USH2A: variants seen among roughly 807,000 people sequenced by gnomAD.
The protein encoded by USH2A is usherin.
Under a neutral mutation model 538.9 loss-of-function variants are expected in USH2A, and 443 were observed. The ratio of observed to expected loss-of-function variants is 0.82; its 90% CI spans 0.76 to 0.89. The LOEUF (loss-of-function observed/expected upper bound fraction) is 0.89. Among genes scored for constraint, USH2A ranks in the 40% least tolerant of loss-of-function variants. The pLI, the probability that USH2A is intolerant of heterozygous loss-of-function variation, is 0.00. For missense variants in USH2A, 6,633 were observed against 6,324.8 expected (o/e 1.05, Z -1.65); for synonymous variants, 2,413 against 2,273.5 (o/e 1.06, Z -1.75).
At chr1:216,282,517 G>A (rs1209704899) in intron 11 of USH2A, among the ~76,000 whole-genome samples, 1 of 152,106 alleles carries the variant, frequency 6.6e-6, no homozygotes, top group African/African-American at 2.4e-5. Context: ...TGGCACTGTT[G>A]TCAAAAATCA....
intron 11 of USH2A, among the ~76,000 whole-genome samples, chr1:216,252,094 T>C (rs1341043129): frequency 2.0e-5 from 3 of 152,256 alleles, no homozygotes; most frequent in Non-Finnish European, 4.4e-5. Context: ...CACTGTGTCA[T>C]TTTATTCTTT....
At chr1:216,076,359 G>T (rs1334470086) in intron 27 of USH2A, among the ~76,000 whole-genome samples, 4 of 152,240 alleles carry the variant, frequency 2.6e-5, no homozygotes, top group Non-Finnish European at 5.9e-5. Flanking sequence ...GTCATAGTGT[G>T]TAGGTAAAAT....
At chr1:216,273,512 C>T (rs1344368692) in intron 11 of USH2A, among the ~76,000 whole-genome samples, 1 of 151,882 alleles carries the variant, frequency 6.6e-6, no homozygotes, top group Non-Finnish European at 1.5e-5. Flanking sequence ...TTTATTTAAA[C>T]ATAATAATAA....
intron 3 of USH2A, among the ~76,000 whole-genome samples, chr1:216,402,808 C>T (rs1009454524): frequency 3.3e-5 from 5 of 152,056 alleles, no homozygotes; most frequent in African/African-American, 1.2e-4. Context: ...ACCCCAAGCC[C>T]TCATTTTGTC....
chr1:215,644,864 C>G (rs1209688609), intron 67 of USH2A, among the ~76,000 whole-genome samples: 1 of 152,132 alleles, frequency 6.6e-6, no homozygotes, highest in African/African-American at 2.4e-5. Context: ...CACATCACTG[C>G]AGGGGAAGAG....
chr1:215,877,651 A>G lies in USH2A; in HGVS notation c.8681+107T>C, dbSNP rs555936005. On this transcript the variant is annotated intron_variant, in intron 43 of 71. Transcript: ENST00000307340. The stretch of plus-strand genomic sequence containing the variant: ...ATAATAACCAAACATGTTTTATTGC[A>G]TAACTGATAACACGCTCACACAATG... The G allele has an allele frequency of 6.5e-6, 10 of 1,530,610 alleles. No individual in the cohort carries two copies. In the South Asian group the frequency reaches 6.8e-5, roughly 10 times the overall value. 94.8% of individuals were successfully genotyped at this position (1,530,610 alleles called of 1,614,324 possible).
intron 31 of USH2A, 90 bp downstream of exon 31, chr1:216,048,444 C>T (rs1035243320): frequency 1.5e-6 from 2 of 1,335,722 alleles, no homozygotes; most frequent in Non-Finnish European, 2.2e-6. Flanking sequence ...TTGGGGTTTG[C>T]CAGCAAATGG....
chr1:216,397,391 G>T (rs185761934), intron 3 of USH2A, among the ~76,000 whole-genome samples: 1 of 152,264 alleles, frequency 6.6e-6, no homozygotes, highest in Non-Finnish European at 1.5e-5. Context: ...TAGATGGCTG[G>T]TAAAGCACTG....
chr1:216,043,469 T>C (rs1044290922), intron 32 of USH2A, among the ~76,000 whole-genome samples: 2 of 152,234 alleles, frequency 1.3e-5, no homozygotes, highest in African/African-American at 2.4e-5. Flanking sequence ...ATATATTCTT[T>C]AAAATATTAC....
intron 32 of USH2A, among the ~76,000 whole-genome samples, chr1:216,045,834 C>T (rs558632657): frequency 2.6e-5 from 4 of 152,134 alleles, no homozygotes; most frequent in South Asian, 2.1e-4. Context: ...GTAGGACAGC[C>T]CTGGGTGGAG....
At chr1:215,991,747 G>A (rs1019307617) in intron 35 of USH2A, among the ~76,000 whole-genome samples, 2 of 152,198 alleles carry the variant, frequency 1.3e-5, no homozygotes, top group African/African-American at 4.8e-5. Flanking sequence ...GATTCTGAGA[G>A]CAATTGTAGT....
At chr1:215,865,934 T>C (rs188479214) in intron 44 of USH2A, among the ~76,000 whole-genome samples, 4 of 152,336 alleles carry the variant, frequency 2.6e-5, no homozygotes, top group East Asian at 3.9e-4. Context: ...AGCATCTCTC[T>C]TCTTAAGCTG....
intron 56 of USH2A, among the ~76,000 whole-genome samples, chr1:215,761,763 T>C (rs1660988937): frequency 6.6e-6 from 1 of 152,136 alleles, no homozygotes; most frequent in Non-Finnish European, 1.5e-5. Flanking sequence ...GATGTACAAA[T>C]CCATCGATGG....
At position 215,907,643 on chromosome 1, in the gene USH2A, A is replaced by G. The variant is rs561660028; in HGVS notation, c.7301-6738T>C. 3.3e-5 allele frequency among the ~76,000 whole-genome samples: 5 copies of G among 152,194 alleles called. No homozygotes were observed. In the South Asian group the frequency reaches 1.0e-3, roughly 32 times the overall value. On this transcript the variant is annotated intron_variant, in intron 38 of 71. Transcript: ENST00000307340. ...GCCTGCTTAATATTGGAGTTCATCA[A>G]GTTCATTCATATCAGCTATGTAGCT... is the stretch of plus-strand genomic sequence containing the variant.
intron 10 of USH2A, 113 bp from the exon 11 acceptor site, chr1:216,289,523 C>T (rs1018176325): frequency 4.3e-5 from 60 of 1,386,484 alleles, no homozygotes; most frequent in Non-Finnish European, 5.2e-5. Flanking sequence ...TCGGAACGTC[C>T]GTTTTAATGC....
At chr1:216,280,570 T>C (rs1472076740) in intron 11 of USH2A, among the ~76,000 whole-genome samples, 1 of 152,176 alleles carries the variant, frequency 6.6e-6, no homozygotes, top group Admixed American at 6.6e-5. Context: ...CATTTTCCTC[T>C]CTCCTATTAA....
intron 61 of USH2A, among the ~76,000 whole-genome samples, chr1:215,686,588 T>C (rs1450393152): frequency 6.6e-6 from 1 of 151,988 alleles, no homozygotes; most frequent in African/African-American, 2.4e-5. Flanking sequence ...TAGGAAACAA[T>C]AAGTAACATT....
chr1:216,360,370 GTGAAAAGATCAGTGAT>G (rs1486031821), intron 4 of USH2A, among the ~76,000 whole-genome samples: 5 of 152,046 alleles, frequency 3.3e-5, no homozygotes, highest in Non-Finnish European at 5.9e-5. Context: ...TACAGAGACA[GTGAAAAGATCAGTGAT>G]TGCTAGGGGT....
chr1:215,786,745 C>T lies in USH2A; in HGVS notation c.10312G>A (p.Ala3438Thr), dbSNP rs146980351. 149 of 1,613,974 alleles carry T rather than the reference C, an allele frequency of 9.2e-5. 1 individual carries two copies. The East Asian group carries it at 2.6e-3, about 28-fold the overall frequency. Residue 3438 changes from alanine to threonine, a missense_variant, in exon 52 of 72, where the codon GCA (alanine) becomes ACA (threonine). Coordinates refer to ENST00000307340, the MANE Select transcript of USH2A (RefSeq NM_206933.4). The part of the protein sequence containing the change: ...IRGSHNSTGK[A>T]SIEEMCSSAE... ...GATGAACACATTTCTTCAATTGATG[C>T]CTTCCCTGTGGAATTGTGAGACCCT...
Sources: gnomAD v4.1 joint callset for allele counts (sites outside exome capture counted in the v4.1 genomes callset) on GRCh38, gnomAD v4.1.1 for gene constraint, MANE v1.5 for transcripts, NCBI Gene and HGNC (gene_info 2026-07-23, HGNC 2026-07-21) for gene names.